The following PPARGC1A variants were observed in gnomAD, a reference collection of about 807,000 sequenced individuals.
The protein encoded by PPARGC1A is PPARG coactivator 1 alpha, also known as peroxisome proliferator-activated receptor gamma coactivator 1-alpha.
A neutral mutation model predicts 88.7 loss-of-function variants in PPARGC1A; 25 were observed. The observed-to-expected ratio is 0.28, with a 90% CI of 0.21 to 0.39. PPARGC1A has a LOEUF of 0.39. PPARGC1A is among the 10% of genes least tolerant of loss of function. The pLI is 1.00. For synonymous variants in PPARGC1A, 363 were observed against 355.6 expected (o/e 1.02, Z -0.24); for missense variants, 880 against 968.7 (o/e 0.91, Z 1.22).
chr4:23,862,523 T>C (rs945286752), intron 2 of PPARGC1A, among the ~76,000 whole-genome samples: 10 of 152,212 alleles, frequency 6.6e-5, no homozygotes, highest in Non-Finnish European at 1.3e-4. Context: ...TTTCTGTAAC[T>C]TGGCCCTGGG....
At chr4:23,840,793 G>T (rs529970314) in intron 2 of PPARGC1A, among the ~76,000 whole-genome samples, 1 of 152,144 alleles carries the variant, frequency 6.6e-6, no homozygotes, top group South Asian at 2.1e-4. Context: ...TTCTTCTTTT[G>T]TTGTTGTTGT....
the PPARGC1A span, among the ~76,000 whole-genome samples, chr4:23,924,241 C>T: frequency 3.3e-5 from 5 of 152,192 alleles, no homozygotes; most frequent in Non-Finnish European, 7.3e-5. Context: ...AAATGCTTTG[C>T]CTTATCCTTC....
chr4:23,938,564 T>C, the PPARGC1A span, among the ~76,000 whole-genome samples: 10 of 152,232 alleles, frequency 6.6e-5, no homozygotes, highest in Non-Finnish European at 1.0e-4. Context: ...TGATGAATGC[T>C]AAAGATGACA....
the PPARGC1A span, among the ~76,000 whole-genome samples, chr4:24,058,965 T>C: frequency 6.6e-6 from 1 of 152,118 alleles, no homozygotes; most frequent in East Asian, 1.9e-4. Context: ...ATTCCTATAA[T>C]ATAGCTAACC....
At chr4:24,372,087 T>C in the PPARGC1A span, among the ~76,000 whole-genome samples, 1 of 152,172 alleles carries the variant, frequency 6.6e-6, no homozygotes, top group Admixed American at 6.5e-5. Flanking sequence ...GAGAAGCATA[T>C]GTGTTTCCAA....
In PPARGC1A at chr4:23,810,601, A is replaced by G. The variant is rs1398577600; in HGVS notation, c.2019+2146T>C. ...CTTAATCATCTTTAGAAGGCATAAA[A>G]TAAACACATCATTTATTTACATGCT... On this transcript the variant is annotated intron_variant, in intron 10 of 12. Coordinates refer to ENST00000264867, the MANE Select transcript of PPARGC1A (RefSeq NM_013261.5). 2.0e-5 allele frequency among the ~76,000 whole-genome samples: 3 copies of G among 152,202 alleles called. No homozygotes were observed. In the East Asian group the frequency reaches 5.8e-4, roughly 29 times the overall value.
chr4:23,955,631 A>G, the PPARGC1A span, among the ~76,000 whole-genome samples: 20,566 of 152,062 alleles, frequency 0.14, 1,615 homozygotes, highest in East Asian at 0.26. Context: ...CTTGGGCTAT[A>G]ACACGATCAT....
chr4:23,842,556 T>C (rs1727241406), intron 2 of PPARGC1A, among the ~76,000 whole-genome samples: 1 of 152,102 alleles, frequency 6.6e-6, no homozygotes, highest in Non-Finnish European at 1.5e-5. Context: ...TGCAGCACTG[T>C]TGACATATTA....
the PPARGC1A span, among the ~76,000 whole-genome samples, chr4:24,443,131 C>CT: frequency 1.3e-5 from 2 of 152,082 alleles, no homozygotes; most frequent in Non-Finnish European, 2.9e-5. Context: ...TATTAATATG[C>CT]TTTTTTAACC....
intron 2 of PPARGC1A, among the ~76,000 whole-genome samples, chr4:23,867,639 G>C (rs1712310257): frequency 6.6e-6 from 1 of 152,148 alleles, no homozygotes; most frequent in Non-Finnish European, 1.5e-5. Context: ...TTTGCATCCT[G>C]GTTCCAATGA....
chr4:24,148,958 C>T, the PPARGC1A span, among the ~76,000 whole-genome samples: 1 of 152,152 alleles, frequency 6.6e-6, no homozygotes, highest in African/African-American at 2.4e-5. Context: ...TCTGTCAAAA[C>T]TCCAACATGC....
the PPARGC1A span, among the ~76,000 whole-genome samples, chr4:23,942,191 G>A: frequency 6.6e-6 from 1 of 152,076 alleles, no homozygotes; most frequent in African/African-American, 2.4e-5. Context: ...TTCTAAAACT[G>A]TACCATCAAC....
the PPARGC1A span, among the ~76,000 whole-genome samples, chr4:24,030,708 T>G: frequency 6.6e-6 from 1 of 152,104 alleles, no homozygotes; most frequent in East Asian, 1.9e-4. Context: ...CCACACACCC[T>G]CGTGAGACCT....
chr4:24,291,023 C>A, the PPARGC1A span, among the ~76,000 whole-genome samples: 4 of 152,194 alleles, frequency 2.6e-5, no homozygotes, highest in East Asian at 7.7e-4. Context: ...GTCTTATGCA[C>A]CCCATTCACC....
chr4:24,344,730 T>A, the PPARGC1A span, among the ~76,000 whole-genome samples: 1 of 152,160 alleles, frequency 6.6e-6, no homozygotes, highest in East Asian at 1.9e-4. Context: ...GACTCTTCCT[T>A]TTGCCATGCA....
the PPARGC1A span, among the ~76,000 whole-genome samples, chr4:24,400,423 C>A: frequency 7.9e-5 from 12 of 152,208 alleles, no homozygotes; most frequent in Admixed American, 7.9e-4. Flanking sequence ...CATTGGACTC[C>A]AGGTTCTTCA....
the PPARGC1A span, among the ~76,000 whole-genome samples, chr4:24,069,589 TC>T: frequency 1.3e-5 from 2 of 152,210 alleles, no homozygotes; most frequent in African/African-American, 4.8e-5. Context: ...AGGCCAGTAA[TC>T]AGGTCTTGTC....
chr4:23,964,612 C>G, the PPARGC1A span, among the ~76,000 whole-genome samples: 19 of 152,182 alleles, frequency 1.2e-4, no homozygotes, highest in Non-Finnish European at 8.8e-5. Flanking sequence ...AGAAGTTAAG[C>G]CCGGTGTTAT....
At chr4:23,894,485 C>A (rs926272209), upstream of PPARGC1A, among the ~76,000 whole-genome samples, 1 of 150,452 alleles carries the variant, frequency 6.6e-6, no homozygotes, top group Non-Finnish European at 1.5e-5. Flanking sequence ...CAGTGATGTC[C>A]ATGTGAACAA....
Sources: gnomAD v4.1 joint callset for allele counts (sites outside exome capture counted in the v4.1 genomes callset) on GRCh38, gnomAD v4.1.1 for gene constraint, MANE v1.5 for transcripts, NCBI Gene and HGNC (gene_info 2026-07-23, HGNC 2026-07-21) for gene names.